Variants in HACE1 observed in about 807,000 individuals in gnomAD.
The protein encoded by HACE1 is HECT domain and ankyrin repeat containing E3 ubiquitin protein ligase 1.
A neutral mutation model predicts 118.4 loss-of-function variants in HACE1; 73 were observed. The ratio of observed to expected loss-of-function variants is 0.62; its 90% CI spans 0.51 to 0.75. The LOEUF (loss-of-function observed/expected upper bound fraction) is 0.75, where lower values mean the gene tolerates loss of function less well. Ranked by LOEUF, HACE1 falls within the 30% of genes least tolerant of loss-of-function variation. The pLI is 0.00. For synonymous variants in HACE1, 368 were observed against 374.8 expected, an observed-to-expected ratio of 0.98 and a Z score of 0.21; for missense variants, 749 against 1,102.2, an observed-to-expected ratio of 0.68 and a Z score of 4.54.
intron 6 of HACE1, among the ~76,000 whole-genome samples, chr6:104,830,758 C>CTT (rs3035081): frequency 0.038 from 5,010 of 132,910 alleles, 412 homozygotes; most frequent in African/African-American, 0.13. Context: ...AAATTACATT[C>CTT]TTTTTTTTTT....
intron 22 of HACE1, among the ~76,000 whole-genome samples, chr6:104,740,860 A>C (rs1241241293): frequency 8.0e-6 from 1 of 124,436 alleles, no homozygotes; most frequent in Non-Finnish European, 1.7e-5. Flanking sequence ...ACAACAAAAA[A>C]AGAGAATTTT....
chr6:104,825,169 G>A (rs373129511), intron 6 of HACE1, among the ~76,000 whole-genome samples: 1 of 152,106 alleles, frequency 6.6e-6, no homozygotes, highest in African/African-American at 2.4e-5. Flanking sequence ...TGGTTTTGAG[G>A]CAGGAGAATA....
chr6:104,760,599 G>C (rs1179583035), intron 19 of HACE1, among the ~76,000 whole-genome samples: 4 of 151,822 alleles, frequency 2.6e-5, no homozygotes, highest in Non-Finnish European at 2.9e-5. Context: ...TACTGAATAG[G>C]GAAAAAAACG....
At chr6:104,749,001 C>T (rs1242171529) in intron 20 of HACE1, among the ~76,000 whole-genome samples, 1 of 152,110 alleles carries the variant, frequency 6.6e-6, no homozygotes, top group Admixed American at 6.6e-5. Context: ...TCAAGCTATA[C>T]ATTTATGATG....
intron 22 of HACE1, among the ~76,000 whole-genome samples, chr6:104,742,203 A>C (rs1373569365): frequency 3.8e-5 from 5 of 132,038 alleles, no homozygotes; most frequent in Non-Finnish European, 7.9e-5. Flanking sequence ...AAAACCATAA[A>C]AACACTAGAA....
rs553130700 is a variant in HACE1 at position 104,856,060 on chromosome 6, T to C, written c.76+3507A>G. 5.5e-4 allele frequency among the ~76,000 whole-genome samples: 83 copies of C among 152,288 alleles called. 1 individual carries two copies. The highest frequency in any genetic ancestry group is 3.7e-4 in the Non-Finnish European group (25 of 68,016). ...GAAGAAGACTATCCAAGAAATACTA[T>C]ACTAAGAAAGGACAGAATACAATTT... On this transcript the variant is annotated intron_variant, in intron 1 of 23. Coordinates refer to ENST00000262903, the MANE Select transcript of HACE1 (RefSeq NM_020771.4).
At chr6:104,847,979 G>A (rs1435015822) in intron 4 of HACE1, among the ~76,000 whole-genome samples, 3 of 151,722 alleles carry the variant, frequency 2.0e-5, no homozygotes, top group African/African-American at 7.3e-5. Flanking sequence ...AGCCTCCTAA[G>A]TAGCTAAGAT....
chr6:104,859,379 CTG>C (rs1443445658), intron 1 of HACE1, 186 bp downstream of exon 1: 1 of 534,336 alleles, frequency 1.9e-6, no homozygotes. Context: ...AAACTCCCAC[CTG>C]CCGGGGTGGG....
chr6:104,776,572 A>T (rs1781242867), intron 17 of HACE1, among the ~76,000 whole-genome samples, 169 bp downstream of exon 17: 1 of 152,202 alleles, frequency 6.6e-6, no homozygotes, highest in Admixed American at 6.5e-5. Flanking sequence ...ACTACTTATT[A>T]ACTGTGTGAA....
intron 5 of HACE1, among the ~76,000 whole-genome samples, chr6:104,840,994 G>A (rs1186611216): frequency 1.3e-5 from 2 of 151,696 alleles, no homozygotes; most frequent in Non-Finnish European, 2.9e-5. Flanking sequence ...GGTAGCAGGC[G>A]CCTATATTCC....
rs553063184 is a variant in HACE1 at position 104,744,575 on chromosome 6, C to T, written c.2379G>A (p.Val793=). 1.6e-5 allele frequency: 26 copies of T among 1,605,068 alleles called. No individual in the cohort carries two copies. In the South Asian group the frequency reaches 2.6e-4, roughly 16 times the overall value. ...LLLSGMPEID[V]SDWIKNTEYT... is the part of the protein sequence containing the mutation. The stretch of plus-strand genomic sequence containing the variant: ...ATTCTGTATTTTTTATCCAATCACT[C>T]ACATCAATTTCTGGCATGCCAGAAA... Residue 793 remains valine, a synonymous_variant, in exon 21 of 24, where the codon GTG becomes GTA. Transcript: ENST00000262903.
intron 1 of HACE1, chr6:104,859,337 G>A (rs1300812135): frequency 4.0e-6 from 2 of 503,338 alleles, no homozygotes; most frequent in Non-Finnish European, 7.0e-6. Flanking sequence ...CCTCCCAGCA[G>A]CGGAACCCCC....
intron 7 of HACE1, 42 bp downstream of exon 7, chr6:104,811,269 T>C (rs1771588969): frequency 7.3e-6 from 4 of 548,934 alleles, no homozygotes; most frequent in Non-Finnish European, 1.4e-5. Context: ...TATATATATA[T>C]ATATGAGCAT....
chr6:104,737,371 T>A (rs1057107935), intron 22 of HACE1, among the ~76,000 whole-genome samples: 20 of 148,820 alleles, frequency 1.3e-4, no homozygotes, highest in African/African-American at 4.8e-4. Flanking sequence ...GCTCCCAGCG[T>A]GAGCCACGCA....
In HACE1 at chr6:104,772,254, T is replaced by G. The variant is rs548225009; in HGVS notation, c.1865-180A>C. On this transcript the variant is annotated intron_variant, in intron 17 of 23. Transcript: ENST00000262903. ...AACAAGTGGTAAGTAGAATTGGAAG[T>G]ATAGATGATAATCATTTATTCATAC... is the stretch of plus-strand genomic sequence containing the variant. Among the ~76,000 whole-genome samples the G allele has an allele frequency of 5.3e-5, 8 of 152,308 alleles. No individual in the cohort carries two copies. The South Asian group carries it at 1.2e-3, about 24-fold the overall frequency.
Position 104,795,755 on chromosome 6 carries a change from C to T in HACE1, c.817-70G>A, listed in dbSNP as rs1769554733. On this transcript the variant is annotated intron_variant, in intron 9 of 23. Coordinates refer to ENST00000262903, the MANE Select transcript of HACE1 (RefSeq NM_020771.4). The stretch of plus-strand genomic sequence containing the variant: ...TTAAATCTTATCAAACAATTAAGTA[C>T]CTATTAAGTATCTTAAAGCCAATTA... 3.3e-6 allele frequency: 3 copies of T among 919,090 alleles called. No homozygotes were observed. The Admixed American group carries it at 5.5e-5, about 17-fold the overall frequency. 56.9% of individuals were successfully genotyped at this position (919,090 alleles called of 1,614,324 possible).
chr6:104,787,700 A>G (rs1432437952), intron 11 of HACE1, among the ~76,000 whole-genome samples: 2 of 152,222 alleles, frequency 1.3e-5, no homozygotes, highest in Non-Finnish European at 2.9e-5. Context: ...ATGAGCACTG[A>G]GTCTAAACCA....
intron 4 of HACE1, among the ~76,000 whole-genome samples, chr6:104,844,332 C>T (rs1775419815): frequency 6.9e-6 from 1 of 143,974 alleles, no homozygotes; most frequent in South Asian, 2.2e-4. Flanking sequence ...ACCACGGTGG[C>T]CCATCATAAA....
intron 14 of HACE1, 107 bp from the exon 15 acceptor site, chr6:104,777,424 C>A (rs1223403904): frequency 1.3e-6 from 1 of 749,186 alleles, no homozygotes; most frequent in Admixed American, 1.9e-5. Context: ...ATTCTTAGAT[C>A]TTTATTTACA....
Sources: allele counts gnomAD v4.1 joint callset (sites outside exome capture counted in the v4.1 genomes callset), GRCh38; gene constraint gnomAD v4.1.1; transcripts MANE v1.5; gene names NCBI Gene and HGNC (gene_info 2026-07-23, HGNC 2026-07-21).